The following HS3ST5 variants were observed in gnomAD, a reference collection of about 807,000 sequenced individuals.
HS3ST5 encodes heparan sulfate glucosamine 3-O-sulfotransferase 5.
In HS3ST5, 10 loss-of-function variants were observed where a neutral mutation model predicts 25.4. That is an observed-to-expected ratio of 0.39 (90% CI 0.24 to 0.67). HS3ST5 has a LOEUF of 0.67. Among genes scored for constraint, HS3ST5 ranks in the 30% least tolerant of loss-of-function variants. HS3ST5 has a pLI of 0.44. For missense variants in HS3ST5, 324 were observed against 420.7 expected (o/e 0.77, Z 2.01); for synonymous variants, 170 against 162.4 (o/e 1.05, Z -0.36).
chr6:114,251,705 G>A (rs535767375), intron 1 of HS3ST5: 1 of 152,204 alleles, frequency 6.6e-6, no homozygotes, highest in Non-Finnish European at 1.5e-5. Flanking sequence ...ATTGTTTTGT[G>A]CTTGACTGGT....
chr6:114,069,513 A>T (rs956351330), intron 3 of HS3ST5, among the ~76,000 whole-genome samples: 2 of 149,402 alleles, frequency 1.3e-5, no homozygotes, highest in African/African-American at 4.9e-5. Flanking sequence ...CTTACATGGG[A>T]GAATTTTTTT....
intron 3 of HS3ST5, chr6:114,088,912 T>C (rs1430148159): frequency 6.6e-6 from 1 of 152,210 alleles, no homozygotes. Context: ...CAGAGAGCAC[T>C]GCGCTCATTT....
chr6:114,267,401 T>C (rs1406987123), intron 1 of HS3ST5, among the ~76,000 whole-genome samples: 2 of 152,074 alleles, frequency 1.3e-5, no homozygotes, highest in Admixed American at 6.5e-5. Context: ...AAGAGGTGCT[T>C]AGCACCTACC....
Position 114,057,927 on chromosome 6 carries a change from T to C in HS3ST5, c.371A>G (p.His124Arg). The change falls in exon 5 of 5, where the codon CAC becomes CGC. Residue 124 changes from histidine to arginine, a missense_variant. By Grantham distance (29) the His-to-Arg change is conservative. Around this residue, in one of 2 missense-constraint regions of HS3ST5, gnomAD observed 203 missense variants for 303.4 expected, o/e 0.67. Coordinates refer to ENST00000312719, the MANE Select transcript of HS3ST5 (RefSeq NM_153612.4). ...ATAATTCTCATCATTATCAAAAAAG[T>C]GGATTTCTTGAGAGGCTTTGACTAC... Reference protein sequence around the residue: ...PAVVKASQEIHFFDNDENYGK... With the variant: ...PAVVKASQEIRFFDNDENYGK... 1.2e-6 allele frequency: 2 copies of C among 1,614,076 alleles called. No individual in the cohort carries two copies. Among genetic ancestry groups the C allele is most frequent in the Non-Finnish European group, 1.7e-6 (2 of 1,180,010 alleles).
At chr6:114,238,413 A>G (rs991187682) in intron 1 of HS3ST5, among the ~76,000 whole-genome samples, 1 of 152,236 alleles carries the variant, frequency 6.6e-6, no homozygotes, top group Non-Finnish European at 1.5e-5. Context: ...CTAGAGGATC[A>G]CTTTACCAGT....
At chr6:114,097,568 T>C (rs1775499320) in intron 3 of HS3ST5, among the ~76,000 whole-genome samples, 1 of 151,988 alleles carries the variant, frequency 6.6e-6, no homozygotes. Flanking sequence ...TTTTCTATGA[T>C]TGTCAAATGT....
At position 114,214,142 on chromosome 6, in the gene HS3ST5, T is replaced by A. The variant is rs558335275; in HGVS notation, c.-145+14443A>T. On this transcript the variant is annotated intron_variant, in intron 2 of 4. Coordinates refer to ENST00000312719, the MANE Select transcript of HS3ST5 (RefSeq NM_153612.4). ...TTTCTCAAACATCCAAAGATAGTCA[T>A]CTGCATCTTCCCTATAGCATTTATC... 3.9e-5 allele frequency among the ~76,000 whole-genome samples: 6 copies of A among 152,354 alleles called. No homozygotes were observed. The South Asian group carries it at 1.2e-3, about 32-fold the overall frequency.
intron 2 of HS3ST5, among the ~76,000 whole-genome samples, chr6:114,211,594 C>T (rs942380988): frequency 3.3e-5 from 5 of 152,046 alleles, no homozygotes; most frequent in African/African-American, 1.2e-4. Flanking sequence ...TAAAATTATG[C>T]CATATTCTAT....
intron 2 of HS3ST5, among the ~76,000 whole-genome samples, chr6:114,177,961 T>G (rs527311102): frequency 3.5e-4 from 53 of 152,286 alleles, no homozygotes; most frequent in African/African-American, 1.3e-3. Context: ...AACATGAAAA[T>G]TTTTTGGAAT....
chr6:114,158,139 G>A (rs369341854), intron 3 of HS3ST5, among the ~76,000 whole-genome samples: 65 of 152,314 alleles, frequency 4.3e-4, no homozygotes, highest in African/African-American at 1.5e-3. Context: ...CTGTGGACTT[G>A]CAAGCCTCGA....
At chr6:114,075,533 C>T (rs567601817) in intron 3 of HS3ST5, among the ~76,000 whole-genome samples, 3 of 152,326 alleles carry the variant, frequency 2.0e-5, no homozygotes, top group East Asian at 1.9e-4. Flanking sequence ...TGTGCGTTTA[C>T]GTGGGGCTGT....
intron 3 of HS3ST5, among the ~76,000 whole-genome samples, chr6:114,146,509 A>C (rs558877256): frequency 2.6e-5 from 4 of 152,230 alleles, no homozygotes; most frequent in Non-Finnish European, 5.9e-5. Flanking sequence ...GAAAGTTAGA[A>C]GCCATGGAGG....
At chr6:114,135,032 T>C (rs776060833) in intron 3 of HS3ST5, among the ~76,000 whole-genome samples, 20 of 152,182 alleles carry the variant, frequency 1.3e-4, no homozygotes, top group Non-Finnish European at 1.6e-4. Context: ...GTGACGCTGG[T>C]TTTCTCTATA....
chr6:114,215,045 C>G (rs1486067674), intron 2 of HS3ST5, among the ~76,000 whole-genome samples: 1 of 152,110 alleles, frequency 6.6e-6, no homozygotes, highest in East Asian at 1.9e-4. Context: ...GTGGCTCATG[C>G]CTGTAATCCC....
intron 2 of HS3ST5, among the ~76,000 whole-genome samples, chr6:114,180,682 T>C (rs1374390068): frequency 6.6e-6 from 1 of 152,200 alleles, no homozygotes; most frequent in African/African-American, 2.4e-5. Context: ...GGCCTTACCT[T>C]GGTGTATGAT....
At chr6:114,114,416 G>A (rs1183030941) in intron 3 of HS3ST5, among the ~76,000 whole-genome samples, 1 of 152,064 alleles carries the variant, frequency 6.6e-6, no homozygotes, top group African/African-American at 2.4e-5. Flanking sequence ...TTTCTTGATG[G>A]TAATGACATA....
chr6:114,275,192 T>C (rs1203042784), intron 1 of HS3ST5, among the ~76,000 whole-genome samples: 1 of 151,954 alleles, frequency 6.6e-6, no homozygotes, highest in Admixed American at 6.6e-5. Flanking sequence ...TTTAAGTACC[T>C]TGGAGTCTGA....
At chr6:114,165,025 G>A (rs1161722024) in intron 3 of HS3ST5, among the ~76,000 whole-genome samples, 1 of 152,148 alleles carries the variant, frequency 6.6e-6, no homozygotes, top group African/African-American at 2.4e-5. Flanking sequence ...GAAGCACTGG[G>A]CTGTATCCCA....
At chr6:114,315,932 T>G (rs1283082420) in intron 1 of HS3ST5, among the ~76,000 whole-genome samples, 1 of 152,176 alleles carries the variant, frequency 6.6e-6, no homozygotes, top group African/African-American at 2.4e-5. Flanking sequence ...ATTTGGGAAG[T>G]GTATCTCTGA....
Sources: allele counts gnomAD v4.1 joint callset (sites outside exome capture counted in the v4.1 genomes callset), GRCh38; gene constraint gnomAD v4.1.1; regional missense constraint gnomAD v4.1.1; transcripts MANE v1.5; gene names NCBI Gene and HGNC (gene_info 2026-07-23, HGNC 2026-07-21).